The following ABL1 variants were observed in gnomAD, a reference collection of about 807,000 sequenced individuals.
ABL1 encodes the protein ABL proto-oncogene 1, non-receptor tyrosine kinase.
ABL1 carries 11 observed loss-of-function variants against 94.7 expected under a neutral mutation model. That is an observed-to-expected ratio of 0.12 (90% CI 0.07 to 0.19). The LOEUF (loss-of-function observed/expected upper bound fraction) is 0.19, where lower values mean the gene tolerates loss of function less well. Among genes scored for constraint, ABL1 ranks in the 10% least tolerant of loss-of-function variants. The probability of loss-of-function intolerance (pLI) is 1.00; values close to 1 mark genes in which losing one functional copy is unlikely to be tolerated. For synonymous variants in ABL1, 656 were observed against 622.4 expected (o/e 1.05, Z -0.80); for missense variants, 1,082 against 1,489.4 (o/e 0.73, Z 4.50).
intron 1 of ABL1, among the ~76,000 whole-genome samples, chr9:130,767,279 G>A (rs1225905662): frequency 6.6e-6 from 1 of 152,168 alleles, no homozygotes; most frequent in Non-Finnish European, 1.5e-5. Flanking sequence ...GTCCCTTTGC[G>A]ATCCCATTCT....
upstream of ABL1, among the ~76,000 whole-genome samples, chr9:130,833,635 A>C (rs1830520862): frequency 1.3e-5 from 2 of 152,208 alleles, no homozygotes; most frequent in African/African-American, 4.8e-5. Flanking sequence ...CGACTCTAGC[A>C]GTAGGTCCAT....
In ABL1 at chr9:130,797,405, C is replaced by T. The variant is rs571040561; in HGVS notation, c.137-56659C>T. Reference sequence around the variant, plus strand: ...TTGTTTTTGTTTTGAGACAAGTACTCGCTCTATTGCCCAGGCTAGAGTGCA... The same window carrying T: ...TTGTTTTTGTTTTGAGACAAGTACTTGCTCTATTGCCCAGGCTAGAGTGCA... On this transcript the variant is annotated intron_variant, in intron 1 of 10. Transcript: ENST00000372348. 7.0e-4 allele frequency among the ~76,000 whole-genome samples: 107 copies of T among 152,198 alleles called. 1 individual carries two copies. The highest frequency in any genetic ancestry group is 1.4e-3 in the Non-Finnish European group (94 of 68,004).
At position 130,741,537 on chromosome 9, in the gene ABL1, C is replaced by A. The variant is rs2855184; in HGVS notation, c.136+27082C>A. ...ACCACACTGATATACTAGTTACCAT[C>A]CCAGAGTAACAGTTACCGCACTGAT... is the stretch of plus-strand genomic sequence containing the variant. On this transcript the variant is annotated intron_variant, in intron 1 of 10. Transcript: ENST00000372348. 7.5e-5 allele frequency among the ~76,000 whole-genome samples: 11 copies of A among 146,938 alleles called. 1 individual carries two copies. Among genetic ancestry groups the A allele is most frequent in the African/African-American group, 2.8e-4 (11 of 39,278 alleles).
At chr9:130,714,485 G>GT (rs770703773) in intron 1 of ABL1, 103 of 1,614,020 alleles carry the variant, frequency 6.4e-5, no homozygotes, top group Non-Finnish European at 8.7e-5. Flanking sequence ...TCTGCTCATG[G>GT]TTTTCCTCAT....
In ABL1 at chr9:130,880,754, A is replaced by T; in HGVS notation, c.1678+90A>T. On this transcript the variant is annotated intron_variant, in intron 10 of 10. Coordinates refer to ENST00000318560, the MANE Select transcript of ABL1 (RefSeq NM_005157.6). This position sits in a 1 kb window ranked among gnomAD's most constrained non-coding sequence, Gnocchi z 4.4. ...CATCATAGGCCAACGGGAAGCTGTG[A>T]ATGGAGCCCGCACAGAAGGGCAGCC... 1 of 1,473,538 alleles carries T rather than the reference A, an allele frequency of 6.8e-7. No homozygotes were observed. The highest frequency in any genetic ancestry group is 9.1e-7 in the Non-Finnish European group (1 of 1,095,478). The allele number at this position is 1,473,538 out of a possible 1,614,324, so 91.3% of individuals were successfully genotyped here.
chr9:130,771,214 CTGTA>C (rs1427955059), intron 1 of ABL1, among the ~76,000 whole-genome samples: 8 of 149,938 alleles, frequency 5.3e-5, no homozygotes, highest in East Asian at 1.9e-4. Context: ...ATAGGGGCAG[CTGTA>C]TGTATGTATG....
At chr9:130,772,622 C>T (rs986994234) in intron 1 of ABL1, among the ~76,000 whole-genome samples, 2 of 152,122 alleles carry the variant, frequency 1.3e-5, no homozygotes, top group African/African-American at 4.8e-5. Flanking sequence ...GCCTGGGGTA[C>T]TGAGGTGGAA....
chr9:130,741,366 C>T (rs1831815502), intron 1 of ABL1, among the ~76,000 whole-genome samples: 1 of 151,900 alleles, frequency 6.6e-6, no homozygotes, highest in Non-Finnish European at 1.5e-5. Context: ...CACTGGTATA[C>T]CAGCTACCAT....
intron 1 of ABL1, among the ~76,000 whole-genome samples, chr9:130,793,916 A>AAT (rs1423338962): frequency 3.9e-4 from 59 of 152,180 alleles, no homozygotes; most frequent in African/African-American, 1.4e-3. Flanking sequence ...CGATGGATCC[A>AAT]GGTTGCGTGC....
At chr9:130,736,156 A>G (rs1831738896) in intron 1 of ABL1, among the ~76,000 whole-genome samples, 2 of 151,632 alleles carry the variant, frequency 1.3e-5, no homozygotes, top group Non-Finnish European at 1.5e-5. Flanking sequence ...GGGTTTTGCC[A>G]TGTTGCCCAG....
intron 1 of ABL1, among the ~76,000 whole-genome samples, chr9:130,743,830 G>A (rs541853384): frequency 4.6e-5 from 7 of 152,172 alleles, no homozygotes; most frequent in East Asian, 1.9e-4. Context: ...TTGTGGGGTC[G>A]GGGAACAAGA....
At chr9:130,731,911 C>T (rs983907815) in intron 1 of ABL1, among the ~76,000 whole-genome samples, 9 of 150,146 alleles carry the variant, frequency 6.0e-5, no homozygotes, top group Admixed American at 4.0e-4. Context: ...TTTCAGGAAA[C>T]TTTTTTTTTT....
intron 1 of ABL1, among the ~76,000 whole-genome samples, chr9:130,815,297 G>A (rs371224707): frequency 3.2e-4 from 48 of 152,246 alleles, no homozygotes; most frequent in African/African-American, 1.1e-3. Flanking sequence ...TCATGCCACC[G>A]CACTCCAGCC....
intron 4 of ABL1, among the ~76,000 whole-genome samples, chr9:130,870,734 G>A (rs1049295870): frequency 3.3e-5 from 5 of 152,190 alleles, no homozygotes. Flanking sequence ...TACCAATGAG[G>A]TTTAATTGAC....
chr9:130,767,842 A>G (rs12340378), intron 1 of ABL1, among the ~76,000 whole-genome samples: 2 of 152,348 alleles, frequency 1.3e-5, no homozygotes, highest in Middle Eastern at 3.4e-3. Context: ...CATTTGAGAA[A>G]ATAAAGTTTC....
chr9:130,884,272 A>C lies in ABL1; in HGVS notation c.1982A>C (p.Lys661Thr). ...ACAGCTGACCCAGCCAAGTCCCCAA[A>C]GCCCAGCAATGGGGCTGGGGTCCCC... Reference protein sequence around the residue: ...LDTADPAKSPKPSNGAGVPNG... With the variant: ...LDTADPAKSPTPSNGAGVPNG... The change falls in exon 11 of 11, where the codon AAG (lysine) becomes ACG (threonine). Residue 661 changes from lysine to threonine, a missense_variant. Transcript: ENST00000318560. This position sits in a 1 kb window ranked among gnomAD's most constrained non-coding sequence, Gnocchi z 5.6. The C allele has an allele frequency of 6.3e-7, 1 of 1,599,324 alleles. No individual in the cohort carries two copies. The highest frequency in any genetic ancestry group is 2.2e-5 in the East Asian group (1 of 44,688).
Position 130,835,610 on chromosome 9 carries a change from C to T in ABL1, c.79+85C>T. 1.8e-6 allele frequency: 2 copies of T among 1,141,646 alleles called. No homozygotes were observed. Among genetic ancestry groups the T allele is most frequent in the South Asian group, 1.3e-5 (1 of 74,158 alleles). 70.7% of individuals were successfully genotyped at this position (1,141,646 alleles called of 1,614,324 possible). A position where few individuals can be genotyped will look rare whatever the true frequency, so the allele number is the denominator to read the frequency against. ...CCCTTCCTAGGCCTCGCCGCCCGCG[C>T]GCTCCCGCCTGCGCCCTCCCCGGGT... is the stretch of plus-strand genomic sequence containing the variant. On this transcript the variant is annotated intron_variant, in intron 1 of 10. Coordinates refer to ENST00000318560, the MANE Select transcript of ABL1 (RefSeq NM_005157.6). This position sits in a 1 kb window ranked among gnomAD's most constrained non-coding sequence, Gnocchi z 4.6.
chr9:130,824,974 T>A (rs932451723), intron 1 of ABL1, among the ~76,000 whole-genome samples: 1 of 152,218 alleles, frequency 6.6e-6, no homozygotes, highest in Admixed American at 6.5e-5. Context: ...TTGTGTGTGT[T>A]GAAAACCTTG....
intron 1 of ABL1, among the ~76,000 whole-genome samples, chr9:130,728,120 C>G (rs1831612419): frequency 6.6e-6 from 1 of 151,946 alleles, no homozygotes; most frequent in Admixed American, 6.6e-5. Context: ...GGCTGGAGTG[C>G]AGTGGCAATC....
Sources: allele counts gnomAD v4.1 joint callset (sites outside exome capture counted in the v4.1 genomes callset), GRCh38; gene constraint gnomAD v4.1.1; non-coding constraint Gnocchi (gnomAD v3.1); transcripts MANE v1.5; gene names NCBI Gene and HGNC (gene_info 2026-07-23, HGNC 2026-07-21).